FAM83F: variants seen among roughly 807,000 people sequenced by gnomAD.
FAM83F encodes the protein scaffolding CK1 anchoring protein F.
Under a neutral mutation model 42.9 loss-of-function variants are expected in FAM83F, and 45 were observed. That is an observed-to-expected ratio of 1.05 (90% CI 0.83 to 1.35). FAM83F has a LOEUF of 1.35. Among genes scored for constraint, FAM83F ranks in the 40% most tolerant of loss-of-function variants. FAM83F has a pLI of 0.00. For missense variants in FAM83F, 617 were observed against 695.9 expected (o/e 0.89, Z 1.28); for synonymous variants, 306 against 298.3 (o/e 1.03, Z -0.27).
In FAM83F at chr22:39,995,211, G is replaced by A. The variant is rs1050922952; in HGVS notation, c.169G>A (p.Asp57Asn). ...RERLKEEQLR[D>N]FLSSPERQAL... is the part of the protein sequence containing the mutation. ...GCGGCTCAAGGAGGAGCAGCTGCGG[G>A]ACTTCCTCTCCAGCCCGGAGCGCCA... The change falls in exon 1 of 5, where the codon GAC becomes AAC. Residue 57 changes from aspartate to asparagine, a missense_variant. Coordinates refer to ENST00000333407, the MANE Select transcript of FAM83F (RefSeq NM_138435.4). This position sits in a 1 kb window ranked among gnomAD's most constrained non-coding sequence, Gnocchi z 4.6. 4 of 1,530,622 alleles carry A rather than the reference G, an allele frequency of 2.6e-6. No individual in the cohort carries two copies. In the African/African-American group the frequency reaches 4.1e-5, roughly 16 times the overall value. 94.8% of individuals were successfully genotyped at this position (1,530,622 alleles called of 1,614,324 possible). A position where few individuals can be genotyped will look rare whatever the true frequency, so the allele number is the denominator to read the frequency against.
chr22:39,997,046 A>G (rs951000043), intron 1 of FAM83F, among the ~76,000 whole-genome samples: 1 of 152,224 alleles, frequency 6.6e-6, no homozygotes, highest in Non-Finnish European at 1.5e-5. Flanking sequence ...GCTTTTCACA[A>G]CAACCGGGTG....
rs2067565814 is a variant in FAM83F, at chr22:40,028,252, C to T, written c.1454-1264C>T. On this transcript the variant is annotated intron_variant, in intron 4 of 4. Transcript: ENST00000333407. Reference sequence around the variant, plus strand: ...GTTCAGTCTGCCTGGATGGATGAGGCCCGAGGCCGTGGGTCACAGTGCAGT... The same window carrying T: ...GTTCAGTCTGCCTGGATGGATGAGGTCCGAGGCCGTGGGTCACAGTGCAGT... Among the ~76,000 whole-genome samples, 5 of 152,346 alleles carry T rather than the reference C, an allele frequency of 3.3e-5. No homozygotes were observed. In the South Asian group the frequency reaches 1.0e-3, roughly 32 times the overall value.
rs2067646678 is a variant in FAM83F at position 40,040,599 on chromosome 22, T to C, written c.*11034T>C. 1 of 152,138 alleles carries C rather than the reference T, an allele frequency of 6.6e-6. No individual in the cohort carries two copies. The highest frequency in any genetic ancestry group is 2.1e-4 in the South Asian group (1 of 4,830). The allele number at this position is 152,138 out of a possible 1,614,324, so 9.4% of individuals were successfully genotyped here. A position where few individuals can be genotyped will look rare whatever the true frequency, so the allele number is the denominator to read the frequency against. Reference sequence around the variant, plus strand: ...AAAAAATGATAGGTGATTTAGAAGGTGAGACAGACACAAGGGATGTGTTGC... The same window carrying C: ...AAAAAATGATAGGTGATTTAGAAGGCGAGACAGACACAAGGGATGTGTTGC... On this transcript the variant is annotated 3_prime_UTR_variant, in exon 5 of 5. Transcript: ENST00000333407.
At chr22:40,006,590 G>A (rs1430527006) in intron 1 of FAM83F, among the ~76,000 whole-genome samples, 1 of 152,246 alleles carries the variant, frequency 6.6e-6, no homozygotes, top group African/African-American at 2.4e-5. Context: ...GTGACTGTGT[G>A]AGTTAAGGCA....
At chr22:40,012,147 T>C (rs2067468456) in intron 1 of FAM83F, among the ~76,000 whole-genome samples, 1 of 152,208 alleles carries the variant, frequency 6.6e-6, no homozygotes, top group Non-Finnish European at 1.5e-5. Flanking sequence ...TTTTCTTTTT[T>C]TTTTGGAATG....
At chr22:39,997,361 T>G (rs1390075592) in intron 1 of FAM83F, among the ~76,000 whole-genome samples, 5 of 152,256 alleles carry the variant, frequency 3.3e-5, no homozygotes, top group Non-Finnish European at 7.3e-5. Context: ...GACTCTTTCC[T>G]GCATAGTGAG....
intron 1 of FAM83F, among the ~76,000 whole-genome samples, chr22:40,009,423 C>T (rs1481508694): frequency 6.6e-6 from 1 of 152,220 alleles, no homozygotes; most frequent in Admixed American, 6.5e-5. Context: ...CTTTCTCTGG[C>T]CATGCATCTC....
chr22:40,034,993 C>T lies in FAM83F; in HGVS notation c.*5428C>T, dbSNP rs1435685826. ...AGGCCTCTAGCTGCTCAAGGATGGC[C>T]CTGTCTGCATGCTTCCTTTCAAAAG... On this transcript the variant is annotated 3_prime_UTR_variant, in exon 5 of 5. Transcript: ENST00000333407. 3 of 152,276 alleles carry T rather than the reference C, an allele frequency of 2.0e-5. No homozygotes were observed. The highest frequency in any genetic ancestry group is 3.9e-4 in the East Asian group (2 of 5,180). The allele number at this position is 152,276 out of a possible 1,614,324, so 9.4% of individuals were successfully genotyped here. A position where few individuals can be genotyped will look rare whatever the true frequency, so the allele number is the denominator to read the frequency against.
At position 39,999,312 on chromosome 22, in the gene FAM83F, G is replaced by A. The variant is rs771952883; in HGVS notation, c.489+3781G>A. 5.9e-5 allele frequency among the ~76,000 whole-genome samples: 9 copies of A among 152,260 alleles called. No homozygotes were observed. In the South Asian group the frequency reaches 1.2e-3, roughly 21 times the overall value. On this transcript the variant is annotated intron_variant, in intron 1 of 4. Coordinates refer to ENST00000333407, the MANE Select transcript of FAM83F (RefSeq NM_138435.4). The stretch of plus-strand genomic sequence containing the variant: ...GCACGAAGCTGTCCACCCATCTTGC[G>A]CCCAGGCTCCCTTGTGACCAGCGGC...
At chr22:40,013,262 C>T (rs1047164886) in intron 1 of FAM83F, among the ~76,000 whole-genome samples, 3 of 152,098 alleles carry the variant, frequency 2.0e-5, no homozygotes, top group Non-Finnish European at 2.9e-5. Context: ...AGTACTTAGC[C>T]TACCTGAAAT....
chr22:40,025,492 C>A (rs2067546859), intron 4 of FAM83F, among the ~76,000 whole-genome samples: 2 of 152,142 alleles, frequency 1.3e-5, no homozygotes, highest in African/African-American at 4.8e-5. Flanking sequence ...GCAGGTGGAT[C>A]ACCTGAGGTC....
intron 1 of FAM83F, among the ~76,000 whole-genome samples, chr22:40,007,974 C>T (rs1295074059): frequency 6.6e-6 from 1 of 152,166 alleles, no homozygotes; most frequent in Non-Finnish European, 1.5e-5. Context: ...GCACTGGTTC[C>T]CCGCAGCCTG....
chr22:40,013,685 C>T (rs1392168497), intron 1 of FAM83F, among the ~76,000 whole-genome samples: 2 of 152,120 alleles, frequency 1.3e-5, no homozygotes, highest in Admixed American at 6.5e-5. Flanking sequence ...AAAACATTTA[C>T]TGAGCTTTTT....
At chr22:40,004,785 G>A (rs573228733) in intron 1 of FAM83F, among the ~76,000 whole-genome samples, 5 of 152,060 alleles carry the variant, frequency 3.3e-5, no homozygotes, top group African/African-American at 9.7e-5. Flanking sequence ...TTCATTTTAC[G>A]GATGAGGAAA....
intron 1 of FAM83F, among the ~76,000 whole-genome samples, chr22:40,013,675 A>G (rs891404157): frequency 6.6e-6 from 1 of 152,202 alleles, no homozygotes; most frequent in Non-Finnish European, 1.5e-5. Flanking sequence ...GAGTTTCTCA[A>G]AAACATTTAC....
At chr22:40,008,258 C>T (rs1159738246) in intron 1 of FAM83F, among the ~76,000 whole-genome samples, 2 of 152,244 alleles carry the variant, frequency 1.3e-5, no homozygotes, top group Non-Finnish European at 2.9e-5. Flanking sequence ...GCGGGAGGCG[C>T]GGGCTGCCTG....
intron 4 of FAM83F, among the ~76,000 whole-genome samples, chr22:40,027,268 G>A (rs1020087893): frequency 1.3e-5 from 2 of 152,162 alleles, no homozygotes; most frequent in Non-Finnish European, 1.5e-5. Flanking sequence ...AAGCCCTGGA[G>A]CCTGTGCATG....
In FAM83F at chr22:40,042,383, C is replaced by T. The variant is rs1195477669; in HGVS notation, c.*12818C>T. 3 of 152,112 alleles carry T rather than the reference C, an allele frequency of 2.0e-5. No homozygotes were observed. Among genetic ancestry groups the T allele is most frequent in the Non-Finnish European group, 1.5e-5 (1 of 68,036 alleles). 9.4% of individuals were successfully genotyped at this position (152,112 alleles called of 1,614,324 possible). On this transcript the variant is annotated 3_prime_UTR_variant, in exon 5 of 5. Transcript: ENST00000333407. ...GATATTCCCATTCTGCTCCCTGCCACCAGAGAGCAAATGTCGTAGGTCACC... is the reference window on the plus strand; with the variant it reads ...GATATTCCCATTCTGCTCCCTGCCATCAGAGAGCAAATGTCGTAGGTCACC...
chr22:40,026,452 G>A (rs1569236401), intron 4 of FAM83F, among the ~76,000 whole-genome samples: 2 of 152,224 alleles, frequency 1.3e-5, no homozygotes, highest in Non-Finnish European at 1.5e-5. Context: ...CCCGGGAGGT[G>A]GAGGTTGCAG....
Sources: gnomAD v4.1 joint callset for allele counts (sites outside exome capture counted in the v4.1 genomes callset) on GRCh38, gnomAD v4.1.1 for gene constraint, Gnocchi (gnomAD v3.1) non-coding constraint, MANE v1.5 for transcripts, NCBI Gene and HGNC (gene_info 2026-07-23, HGNC 2026-07-21) for gene names.